The following COL26A1 variants were observed in gnomAD, a reference collection of about 807,000 sequenced individuals.
The protein encoded by COL26A1 is collagen type XXVI alpha 1 chain.
COL26A1 carries 41 observed loss-of-function variants against 59.3 expected under a neutral mutation model. The ratio of observed to expected loss-of-function variants is 0.69; its 90% CI spans 0.54 to 0.90. COL26A1 has a LOEUF of 0.90. Ranked by LOEUF, COL26A1 falls within the 40% of genes least tolerant of loss-of-function variation. The probability of loss-of-function intolerance (pLI) is 0.00; values close to 1 mark genes in which losing one functional copy is unlikely to be tolerated. For missense variants in COL26A1, 612 were observed against 602.3 expected (o/e 1.02, Z -0.17); for synonymous variants, 266 against 256.0 (o/e 1.04, Z -0.37).
intron 3 of COL26A1, among the ~76,000 whole-genome samples, chr7:101,463,818 C>A (rs1409075627): frequency 4.7e-4 from 47 of 100,456 alleles, no homozygotes; most frequent in African/African-American, 1.9e-3. Context: ...TCTTCCCTCC[C>A]TCCCTTCCTT....
At chr7:101,482,294 C>G (rs1278821811) in intron 3 of COL26A1, among the ~76,000 whole-genome samples, 9 of 152,154 alleles carry the variant, frequency 5.9e-5, no homozygotes, top group Admixed American at 4.6e-4. Flanking sequence ...AGGCGTTAGC[C>G]ACCACCGCGC....
At chr7:101,363,242 C>T (rs1790944939) in intron 1 of COL26A1, 52 bp downstream of exon 1, 6 of 1,189,982 alleles carry the variant, frequency 5.0e-6, no homozygotes, top group Admixed American at 6.6e-5. Context: ...GAGCGGACAG[C>T]GGGGGCCCTG....
At chr7:101,505,235 TG>T (rs1794783066) in intron 3 of COL26A1, among the ~76,000 whole-genome samples, 1 of 149,812 alleles carries the variant, frequency 6.7e-6, no homozygotes, top group Non-Finnish European at 1.5e-5. Context: ...TGCAGAAGTG[TG>T]TATGTGTGTT....
intron 3 of COL26A1, among the ~76,000 whole-genome samples, chr7:101,484,856 A>ATTAG (rs1794235035): frequency 6.7e-6 from 1 of 148,670 alleles, no homozygotes; most frequent in Non-Finnish European, 1.5e-5. Flanking sequence ...TAATTAATTA[A>ATTAG]TTAATTAATT....
At chr7:101,364,213 C>G (rs1361988679) in intron 1 of COL26A1, among the ~76,000 whole-genome samples, 1 of 147,930 alleles carries the variant, frequency 6.8e-6, no homozygotes, top group Non-Finnish European at 1.5e-5. Flanking sequence ...AGTTGCCAAA[C>G]GCCTCGTTTG....
chr7:101,453,757 G>A (rs995555029), intron 3 of COL26A1, among the ~76,000 whole-genome samples: 3 of 152,210 alleles, frequency 2.0e-5, no homozygotes, highest in African/African-American at 4.8e-5. Flanking sequence ...TTACATTCCC[G>A]AATATAAACC....
At chr7:101,415,099 A>G (rs1792340446) in intron 1 of COL26A1, among the ~76,000 whole-genome samples, 1 of 151,908 alleles carries the variant, frequency 6.6e-6, no homozygotes, top group African/African-American at 2.4e-5. Context: ...GTAATGCTGC[A>G]TGATTTACAC....
At chr7:101,530,729 C>A (rs983757096) in intron 3 of COL26A1, among the ~76,000 whole-genome samples, 1 of 152,034 alleles carries the variant, frequency 6.6e-6, no homozygotes, top group African/African-American at 2.4e-5. Flanking sequence ...CTTTGGCAGG[C>A]CCCTGTTTCC....
chr7:101,554,174 A>T (rs1372026640), intron 11 of COL26A1, among the ~76,000 whole-genome samples: 1 of 151,232 alleles, frequency 6.6e-6, no homozygotes, highest in African/African-American at 2.4e-5. Flanking sequence ...TGCCACTGAG[A>T]TGGGGCCGGC....
At chr7:101,473,608 C>CACA (rs1793956919) in intron 3 of COL26A1, among the ~76,000 whole-genome samples, 4 of 143,374 alleles carry the variant, frequency 2.8e-5, no homozygotes, top group South Asian at 2.3e-4. Flanking sequence ...CACCTTGTCT[C>CACA]CACACACACA....
chr7:101,382,238 G>T (rs866885788), intron 1 of COL26A1, among the ~76,000 whole-genome samples: 3 of 152,030 alleles, frequency 2.0e-5, no homozygotes, highest in African/African-American at 4.8e-5. Flanking sequence ...TTGTAAAGAA[G>T]AGGTCTTGCT....
At chr7:101,406,664 G>A (rs1226857382) in intron 1 of COL26A1, among the ~76,000 whole-genome samples, 2 of 152,182 alleles carry the variant, frequency 1.3e-5, no homozygotes, top group Non-Finnish European at 1.5e-5. Flanking sequence ...AACTTTCCAT[G>A]TGTTGGCCGG....
At chr7:101,488,281 A>C (rs1302692287) in intron 3 of COL26A1, among the ~76,000 whole-genome samples, 1 of 144,082 alleles carries the variant, frequency 6.9e-6, no homozygotes, top group Non-Finnish European at 1.5e-5. Flanking sequence ...ACTCTGTCTC[A>C]AAAAAAAAAA....
At chr7:101,453,370 A>T (rs1047860333) in intron 3 of COL26A1, among the ~76,000 whole-genome samples, 3 of 150,212 alleles carry the variant, frequency 2.0e-5, no homozygotes, top group African/African-American at 7.4e-5. Flanking sequence ...CTGTCTCAAA[A>T]AGGAAAAGAA....
At chr7:101,451,871 T>A (rs1176019555) in intron 3 of COL26A1, among the ~76,000 whole-genome samples, 1 of 151,984 alleles carries the variant, frequency 6.6e-6, no homozygotes, top group Non-Finnish European at 1.5e-5. Context: ...CACCCAGCTA[T>A]GTTTTTTGTA....
At chr7:101,519,466 G>A (rs929456347) in intron 3 of COL26A1, among the ~76,000 whole-genome samples, 9 of 152,322 alleles carry the variant, frequency 5.9e-5, no homozygotes, top group African/African-American at 2.2e-4. Context: ...AGCATTAGGA[G>A]GCTGCAGAGG....
chr7:101,481,836 G>T (rs1794163553), intron 3 of COL26A1, among the ~76,000 whole-genome samples: 1 of 151,996 alleles, frequency 6.6e-6, no homozygotes, highest in South Asian at 2.1e-4. Flanking sequence ...TGTTAAAGAG[G>T]TATCTTTTTA....
At chr7:101,487,128 C>T (rs1794285876) in intron 3 of COL26A1, among the ~76,000 whole-genome samples, 1 of 152,154 alleles carries the variant, frequency 6.6e-6, no homozygotes, top group Non-Finnish European at 1.5e-5. Flanking sequence ...TCTAGAAACC[C>T]AGGAACCGGC....
intron 3 of COL26A1, among the ~76,000 whole-genome samples, chr7:101,504,211 C>G (rs955185630): frequency 1.3e-5 from 2 of 152,198 alleles, no homozygotes; most frequent in African/African-American, 4.8e-5. Context: ...AGCGACTCTC[C>G]TGTCTCAGCC....
Sources: gnomAD v4.1 joint callset for allele counts (sites outside exome capture counted in the v4.1 genomes callset) on GRCh38, gnomAD v4.1.1 for gene constraint, MANE v1.5 for transcripts, NCBI Gene and HGNC (gene_info 2026-07-23, HGNC 2026-07-21) for gene names.